Variants in SNAPC1 observed in about 807,000 individuals in gnomAD.
SNAPC1 encodes snRNA-activating protein complex subunit 1.
In SNAPC1, 42 loss-of-function variants were observed where a neutral mutation model predicts 50.1. The observed-to-expected ratio is 0.84, with a 90% CI of 0.65 to 1.08. The LOEUF (loss-of-function observed/expected upper bound fraction) is 1.08. Ranked by LOEUF, SNAPC1 falls within the 50% of genes least tolerant of loss-of-function variation. SNAPC1 has a pLI of 0.00. For synonymous variants in SNAPC1, 164 were observed against 144.2 expected, an observed-to-expected ratio of 1.14 and a Z score of -0.98; for missense variants, 477 against 427.3, an observed-to-expected ratio of 1.12 and a Z score of -1.02.
At chr14:61,791,404 T>C (rs1206848697) in intron 8 of SNAPC1, among the ~76,000 whole-genome samples, 1 of 152,236 alleles carries the variant, frequency 6.6e-6, no homozygotes, top group Non-Finnish European at 1.5e-5. Context: ...ACATTTATCA[T>C]TTTTGTAATT....
chr14:61,781,962 C>T (rs2045077758), intron 7 of SNAPC1, among the ~76,000 whole-genome samples: 1 of 152,210 alleles, frequency 6.6e-6, no homozygotes, highest in South Asian at 2.1e-4. Context: ...GATGCCTCTA[C>T]ACCTTTGTTG....
chr14:61,768,256 G>C (rs2044963362), intron 3 of SNAPC1, among the ~76,000 whole-genome samples: 1 of 152,196 alleles, frequency 6.6e-6, no homozygotes. Flanking sequence ...AACATCAGAG[G>C]AGGTTACTGA....
intron 4 of SNAPC1, among the ~76,000 whole-genome samples, chr14:61,775,141 A>G (rs2140178649): frequency 6.6e-6 from 1 of 152,188 alleles, no homozygotes; most frequent in South Asian, 2.1e-4. Flanking sequence ...ACTCTGTGGT[A>G]TGCTGTCTTT....
chr14:61,782,444 T>C, intron 8 of SNAPC1, 47 bp downstream of exon 8: 1 of 1,476,790 alleles, frequency 6.8e-7, no homozygotes, highest in Non-Finnish European at 9.2e-7. Flanking sequence ...AGAATGGGTT[T>C]TATTTACAAC....
intron 1 of SNAPC1, among the ~76,000 whole-genome samples, chr14:61,763,153 G>A (rs534060989): frequency 1.3e-5 from 2 of 151,600 alleles, no homozygotes; most frequent in South Asian, 2.1e-4. Flanking sequence ...CACCACGCCC[G>A]GTTAATTTTT....
At chr14:61,763,593 A>G (rs1008547887) in intron 1 of SNAPC1, among the ~76,000 whole-genome samples, 1 of 148,172 alleles carries the variant, frequency 6.7e-6, no homozygotes, top group African/African-American at 2.5e-5. Context: ...ACTCAGGGTT[A>G]AGCTCAAATG....
Position 61,794,953 on chromosome 14 carries a change from C to A in SNAPC1, c.1077C>A (p.Phe359Leu). The A allele has an allele frequency of 6.4e-7, 1 of 1,570,164 alleles. No homozygotes were observed. Among genetic ancestry groups the A allele is most frequent in the South Asian group, 1.2e-5 (1 of 85,348 alleles). ...TTTTAAACTTTATGTCTTTAGAGTT[C>A]ACTGCATCCAAGAAGAGGAGAAAAC... ...EENESLSGTEFTASKKRRKH is the reference protein window; with the variant it reads ...EENESLSGTELTASKKRRKH Residue 359 changes from phenylalanine (F) to leucine (L), a missense_variant, in exon 10 of 10, where the codon TTC becomes TTA. Physicochemically the swap from Phe to Leu is conservative, Grantham distance 22. Coordinates refer to ENST00000216294, the MANE Select transcript of SNAPC1 (RefSeq NM_003082.4).
intron 9 of SNAPC1, among the ~76,000 whole-genome samples, chr14:61,794,704 G>C (rs929448714): frequency 6.6e-6 from 1 of 152,118 alleles, no homozygotes; most frequent in Non-Finnish European, 1.5e-5. Context: ...CACTGCACCT[G>C]GCCGATAGTA....
Position 61,767,338 on chromosome 14 carries a change from G to T in SNAPC1, c.415G>T (p.Ala139Ser). ...ACTAGACAGAGCATTTCACTTTACA[G>T]CAATGCCCAAATTGGTATGTTGCCT... ...LRLDRAFHFT[A>S]MPKLLSYRMK... Residue 139 changes from alanine (A) to serine (S), a missense_variant, in exon 3 of 10, where the codon GCA (alanine) becomes TCA (serine). Physicochemically the swap from Ala to Ser is moderately conservative, Grantham distance 99 (BLOSUM62 1). Coordinates refer to ENST00000216294, the MANE Select transcript of SNAPC1 (RefSeq NM_003082.4). The T allele has an allele frequency of 6.8e-7, 1 of 1,467,288 alleles. No homozygotes were observed. Among genetic ancestry groups the T allele is most frequent in the African/African-American group, 1.5e-5 (1 of 68,584 alleles). 90.9% of individuals were successfully genotyped at this position (1,467,288 alleles called of 1,614,324 possible). A position where few individuals can be genotyped will look rare whatever the true frequency, so the allele number is the denominator to read the frequency against.
chr14:61,771,699 C>T lies in SNAPC1; in HGVS notation c.534+2959C>T, dbSNP rs79567697. Among the ~76,000 whole-genome samples, 1,330 of 152,186 alleles carry T rather than the reference C, an allele frequency of 8.7e-3. 10 individuals carry two copies. Among genetic ancestry groups the T allele is most frequent in the Middle Eastern group, 0.014 (4 of 294 alleles). ...GAATGGTTGTATATAGGAGAGGTAG[C>T]GAGCAAGGTTCCTGCTATGGAGGAG... On this transcript the variant is annotated intron_variant, in intron 4 of 9. Transcript: ENST00000216294.
intron 9 of SNAPC1, among the ~76,000 whole-genome samples, chr14:61,793,269 G>C (rs935561948): frequency 8.6e-5 from 13 of 151,988 alleles, no homozygotes; most frequent in African/African-American, 3.1e-4. Context: ...GGGTCTTGCT[G>C]GGTTGCCCAG....
intron 4 of SNAPC1, among the ~76,000 whole-genome samples, chr14:61,774,667 T>TTTTGAGAGGCAGAG (rs2045021419): frequency 6.9e-6 from 1 of 144,212 alleles, no homozygotes; most frequent in African/African-American, 2.6e-5. Flanking sequence ...TTTTTTTTTT[T>TTTTGAGAGGCAGAG]TTTTTTTTTT....
intron 4 of SNAPC1, among the ~76,000 whole-genome samples, chr14:61,769,368 A>G (rs1300121883): frequency 6.6e-6 from 1 of 150,932 alleles, no homozygotes; most frequent in African/African-American, 2.4e-5. Flanking sequence ...AAAACAAAAA[A>G]ACCAATGTGC....
At chr14:61,787,290 C>A (rs1040919401) in intron 8 of SNAPC1, among the ~76,000 whole-genome samples, 23 of 151,744 alleles carry the variant, frequency 1.5e-4, no homozygotes, top group African/African-American at 5.3e-4. Context: ...AATAATACTT[C>A]AATAAACCTG....
rs374385676 is a variant in SNAPC1 at position 61,775,735 on chromosome 14, CTTAG to C, written c.535-356_535-353del. On this transcript the variant is annotated intron_variant, in intron 4 of 9. Transcript: ENST00000216294. ...ATGTGACAATATGATATAAAAATAT[CTTAG>C]TTATCAGTAGTGATATTTAATGATA... Among the ~76,000 whole-genome samples, 871 of 152,226 alleles carry C rather than the reference CTTAG, an allele frequency of 5.7e-3. 11 individuals carry two copies. The highest frequency in any genetic ancestry group is 0.02 in the African/African-American group (845 of 41,520).
At chr14:61,792,521 G>C (rs1490380690) in intron 8 of SNAPC1, among the ~76,000 whole-genome samples, 1 of 152,054 alleles carries the variant, frequency 6.6e-6, no homozygotes, top group Admixed American at 6.6e-5. Flanking sequence ...TGTCATGTGT[G>C]GTAAAGATTA....
chr14:61,788,660 A>G (rs1036968610), intron 8 of SNAPC1, among the ~76,000 whole-genome samples: 8 of 152,238 alleles, frequency 5.3e-5, no homozygotes, highest in Non-Finnish European at 7.3e-5. Context: ...AAGATTAAAG[A>G]TAATACCCAT....
chr14:61,782,421 G>T, intron 8 of SNAPC1, 24 bp downstream of exon 8: 1 of 1,581,930 alleles, frequency 6.3e-7, no homozygotes, highest in South Asian at 1.2e-5. Flanking sequence ...GTCTTACTAA[G>T]ATTCAACAAA....
intron 8 of SNAPC1, among the ~76,000 whole-genome samples, chr14:61,789,763 C>T (rs993893812): frequency 2.6e-5 from 4 of 152,092 alleles, no homozygotes; most frequent in Non-Finnish European, 5.9e-5. Context: ...AATGTGGAAT[C>T]AAGAAGTTTA....
Sources: allele counts gnomAD v4.1 joint callset (sites outside exome capture counted in the v4.1 genomes callset), GRCh38; gene constraint gnomAD v4.1.1; transcripts MANE v1.5; gene names NCBI Gene and HGNC (gene_info 2026-07-23, HGNC 2026-07-21).